Variants in RAP1GAP2 observed in about 807,000 individuals in gnomAD.
The protein encoded by RAP1GAP2 is rap1 GTPase-activating protein 2.
Under a neutral mutation model 95.0 loss-of-function variants are expected in RAP1GAP2, and 27 were observed. The ratio of observed to expected loss-of-function variants is 0.28; its 90% CI spans 0.21 to 0.39. RAP1GAP2 has a LOEUF of 0.39. RAP1GAP2 is among the 10% of genes least tolerant of loss of function. RAP1GAP2 has a pLI of 1.00. For synonymous variants in RAP1GAP2, 373 were observed against 380.9 expected, an observed-to-expected ratio of 0.98 and a Z score of 0.24; for missense variants, 771 against 970.0, an observed-to-expected ratio of 0.79 and a Z score of 2.72.
chr17:2,930,449 G>C (rs1036168379), intron 3 of RAP1GAP2, among the ~76,000 whole-genome samples: 12 of 152,242 alleles, frequency 7.9e-5, no homozygotes, highest in African/African-American at 2.7e-4. Context: ...AGGCCTGAGT[G>C]GGGGCGTGGC....
chr17:2,928,338 A>G (rs1444021084), intron 3 of RAP1GAP2, among the ~76,000 whole-genome samples: 1 of 152,106 alleles, frequency 6.6e-6, no homozygotes, highest in African/African-American at 2.4e-5. Context: ...TAATCCTGCA[A>G]TCTGCTTCTG....
intron 3 of RAP1GAP2, among the ~76,000 whole-genome samples, chr17:2,950,455 C>T (rs930753275): frequency 2.0e-5 from 3 of 152,116 alleles, no homozygotes; most frequent in African/African-American, 7.2e-5. Flanking sequence ...CAGGACAAAG[C>T]ATGCTTCCAG....
intron 8 of RAP1GAP2, 22 bp from the exon 9 acceptor site, chr17:2,980,265 T>G: frequency 1.2e-6 from 2 of 1,611,942 alleles, no homozygotes; most frequent in Non-Finnish European, 1.7e-6. Flanking sequence ...AGGGATGTCC[T>G]TTTTTCTCCC....
intron 24 of RAP1GAP2, among the ~76,000 whole-genome samples, chr17:3,032,696 C>A (rs563556807): frequency 1.3e-5 from 2 of 152,090 alleles, no homozygotes; most frequent in African/African-American, 2.4e-5. Flanking sequence ...TCCCTTCCAC[C>A]GATGGGGTCT....
chr17:2,876,000 C>T (rs969081058), intron 2 of RAP1GAP2, among the ~76,000 whole-genome samples: 10 of 151,308 alleles, frequency 6.6e-5, no homozygotes, highest in African/African-American at 9.7e-5. Context: ...TGCAATGATG[C>T]GATCTCGGCT....
intron 14 of RAP1GAP2, among the ~76,000 whole-genome samples, chr17:3,000,228 C>T (rs1379092795): frequency 3.3e-5 from 5 of 152,242 alleles, no homozygotes; most frequent in African/African-American, 4.8e-5. Context: ...GGATTATAGG[C>T]GTGAGCCACT....
intron 3 of RAP1GAP2, among the ~76,000 whole-genome samples, chr17:2,956,240 C>T (rs926814765): frequency 2.0e-5 from 3 of 152,314 alleles, no homozygotes; most frequent in Admixed American, 6.5e-5. Flanking sequence ...GAGTTGGGCG[C>T]GGGTGCCCTA....
chr17:2,958,393 A>G (rs547648971), intron 4 of RAP1GAP2, among the ~76,000 whole-genome samples: 3 of 152,194 alleles, frequency 2.0e-5, no homozygotes, highest in African/African-American at 7.2e-5. Flanking sequence ...CACCAGGGTC[A>G]GGGCTCCCAG....
intron 3 of RAP1GAP2, among the ~76,000 whole-genome samples, chr17:2,935,398 T>C (rs746630372): frequency 2.0e-5 from 3 of 152,062 alleles, no homozygotes; most frequent in Non-Finnish European, 4.4e-5. Flanking sequence ...TCGCAGCTAC[T>C]TGGGAGGCTG....
chr17:2,862,513 C>T (rs2072443622), intron 2 of RAP1GAP2, among the ~76,000 whole-genome samples: 1 of 151,490 alleles, frequency 6.6e-6, no homozygotes, highest in Non-Finnish European at 1.5e-5. Context: ...AGATGAAGCA[C>T]CCCCACGCCC....
At chr17:3,012,848 C>T (rs1250014745) in intron 17 of RAP1GAP2, among the ~76,000 whole-genome samples, 7 of 152,190 alleles carry the variant, frequency 4.6e-5, no homozygotes, top group Non-Finnish European at 2.9e-5. Flanking sequence ...TTTTCCAGTG[C>T]CATTCTCAGT....
At chr17:2,966,225 C>T (rs537520670) in intron 8 of RAP1GAP2, among the ~76,000 whole-genome samples, 1 of 152,310 alleles carries the variant, frequency 6.6e-6, no homozygotes, top group South Asian at 2.1e-4. Context: ...TGTAAAACCT[C>T]CTCTGTACCA....
intron 11 of RAP1GAP2, among the ~76,000 whole-genome samples, chr17:2,986,848 T>C (rs926325901): frequency 6.6e-6 from 1 of 152,156 alleles, no homozygotes; most frequent in Non-Finnish European, 1.5e-5. Flanking sequence ...CGCTGCATTG[T>C]TTTTCTAGTG....
intron 3 of RAP1GAP2, among the ~76,000 whole-genome samples, chr17:2,911,972 C>G (rs952568598): frequency 6.6e-6 from 1 of 152,170 alleles, no homozygotes; most frequent in African/African-American, 2.4e-5. Flanking sequence ...CCACACCCCT[C>G]TTTGTGCAAG....
intron 2 of RAP1GAP2, among the ~76,000 whole-genome samples, chr17:2,770,972 C>T (rs1225795260): frequency 1.3e-5 from 2 of 151,980 alleles, no homozygotes; most frequent in Non-Finnish European, 2.9e-5. Flanking sequence ...TCTTGAACCC[C>T]GGAGGCAGAG....
At chr17:3,019,980 C>G (rs2046901134) in intron 18 of RAP1GAP2, among the ~76,000 whole-genome samples, 1 of 152,272 alleles carries the variant, frequency 6.6e-6, no homozygotes, top group Admixed American at 6.5e-5. Flanking sequence ...CTCTGCGGCT[C>G]TCAGCCTGTC....
At chr17:2,852,986 G>A (rs921931491) in intron 2 of RAP1GAP2, among the ~76,000 whole-genome samples, 2 of 152,166 alleles carry the variant, frequency 1.3e-5, no homozygotes, top group African/African-American at 2.4e-5. Flanking sequence ...GGCCAGGCCC[G>A]GGTGGGCGCG....
Position 2,904,785 on chromosome 17 carries a change from C to G in RAP1GAP2, c.81-499C>G, listed in dbSNP as rs2042144908. ...TGCATGTCTTTCGAGTTCCCAGGTG[C>G]CGCTGGTGGTCCAGGGACCATACTT... On this transcript the variant is annotated intron_variant, in intron 2 of 24. Coordinates refer to ENST00000254695, the MANE Select transcript of RAP1GAP2 (RefSeq NM_015085.5). This position sits in a 1 kb window ranked among gnomAD's most constrained non-coding sequence, Gnocchi z 4.7. 6.6e-6 allele frequency among the ~76,000 whole-genome samples: 1 copy of G among 152,110 alleles called. No homozygotes were observed. Among genetic ancestry groups the G allele is most frequent in the South Asian group, 2.1e-4 (1 of 4,834 alleles).
chr17:3,005,257 T>C lies in RAP1GAP2; in HGVS notation c.1201-112T>C. On this transcript the variant is annotated intron_variant, in intron 14 of 24. Transcript: ENST00000254695. This position sits in a 1 kb window ranked among gnomAD's most constrained non-coding sequence, Gnocchi z 5.2. Reference sequence around the variant, plus strand: ...GCTCACAGGAGTATTTTGTTTGTGTTCTGGGAAGAGGAGGAGGGAGAAGGT... The same window carrying C: ...GCTCACAGGAGTATTTTGTTTGTGTCCTGGGAAGAGGAGGAGGGAGAAGGT... 9.3e-7 allele frequency: 1 copy of C among 1,077,598 alleles called. No homozygotes were observed. 66.8% of individuals were successfully genotyped at this position (1,077,598 alleles called of 1,614,324 possible).
Sources: allele counts gnomAD v4.1 joint callset (sites outside exome capture counted in the v4.1 genomes callset), GRCh38; gene constraint gnomAD v4.1.1; non-coding constraint Gnocchi (gnomAD v3.1); transcripts MANE v1.5; gene names NCBI Gene and HGNC (gene_info 2026-07-23, HGNC 2026-07-21).